The following CFAP221 variants were observed in gnomAD, a reference collection of about 807,000 sequenced individuals.
CFAP221 encodes cilia- and flagella-associated protein 221.
A neutral mutation model predicts 113.1 loss-of-function variants in CFAP221; 97 were observed. That is an observed-to-expected ratio of 0.86 (90% CI 0.73 to 1.02). The LOEUF (loss-of-function observed/expected upper bound fraction) is 1.02. CFAP221 is among the 50% of genes least tolerant of loss of function. The pLI is 0.00. For synonymous variants in CFAP221, 331 were observed against 354.4 expected (o/e 0.93, Z 0.74); for missense variants, 1,025 against 1,013.4 (o/e 1.01, Z -0.16).
intron 3 of CFAP221, chr2:119,556,298 T>G (rs1357535233): frequency 6.6e-6 from 1 of 152,102 alleles, no homozygotes; most frequent in Non-Finnish European, 1.5e-5. Flanking sequence ...TCCATTTCAC[T>G]TCAGATCTTA....
At chr2:119,616,209 T>C (rs1685516197) in intron 14 of CFAP221, among the ~76,000 whole-genome samples, 1 of 152,368 alleles carries the variant, frequency 6.6e-6, no homozygotes, top group Non-Finnish European at 1.5e-5. Context: ...ATTCAATACA[T>C]GGCTTTTGGT....
At chr2:119,613,390 A>C (rs937991205) in intron 13 of CFAP221, among the ~76,000 whole-genome samples, 11 of 152,204 alleles carry the variant, frequency 7.2e-5, no homozygotes, top group Non-Finnish European at 8.8e-5. Context: ...GCTCTAGCAG[A>C]GGTTCTACAT....
intron 8 of CFAP221, 59 bp from the exon 9 acceptor site, chr2:119,604,613 C>T (rs1383695636): frequency 1.1e-5 from 16 of 1,436,488 alleles, no homozygotes; most frequent in Non-Finnish European, 1.3e-5. Flanking sequence ...GAACATAAAA[C>T]ATTAGGAACC....
chr2:119,615,779 G>T lies in CFAP221; in HGVS notation c.1410+70G>T, dbSNP rs1685481894. On this transcript the variant is annotated intron_variant, in intron 14 of 23. Transcript: ENST00000413369. ...AGCATAAGGAAATCAAGCAATGGTG[G>T]TTTGATAACACCTTTATTGAGATAC... 6.1e-6 allele frequency: 7 copies of T among 1,141,102 alleles called. No individual in the cohort carries two copies. In the South Asian group the frequency reaches 8.4e-5, roughly 14 times the overall value. The allele number at this position is 1,141,102 out of a possible 1,614,324, so 70.7% of individuals were successfully genotyped here.
intron 6 of CFAP221, among the ~76,000 whole-genome samples, chr2:119,582,370 G>T (rs1402687516): frequency 6.6e-6 from 1 of 152,078 alleles, no homozygotes; most frequent in Non-Finnish European, 1.5e-5. Context: ...TCAATAGGCA[G>T]GTAGGGCTGA....
In CFAP221 at chr2:119,593,864, C is replaced by T. The variant is rs6736772; in HGVS notation, c.631+6642C>T. On this transcript the variant is annotated intron_variant, in intron 7 of 23. Transcript: ENST00000413369. Reference sequence around the variant, plus strand: ...AAAAAAAAACAAAACGAAACAACAACAACAAAAAAAACCCCACCAGCTCTC... The same window carrying T: ...AAAAAAAAACAAAACGAAACAACAATAACAAAAAAAACCCCACCAGCTCTC... Among the ~76,000 whole-genome samples the T allele has an allele frequency of 8.9e-4, 135 of 151,682 alleles. 2 individuals carry two copies. Among genetic ancestry groups the T allele is most frequent in the African/African-American group, 3.1e-3 (127 of 41,378 alleles).
At chr2:119,628,404 T>C (rs1686529119) in intron 16 of CFAP221, among the ~76,000 whole-genome samples, 1 of 151,816 alleles carries the variant, frequency 6.6e-6, no homozygotes, top group Admixed American at 6.6e-5. Context: ...AATGGTGCAT[T>C]ATTGAAAAAG....
At chr2:119,594,981 C>T (rs1264231192) in intron 7 of CFAP221, among the ~76,000 whole-genome samples, 5 of 152,230 alleles carry the variant, frequency 3.3e-5, no homozygotes, top group African/African-American at 9.6e-5. Flanking sequence ...TCTCCCATCT[C>T]TGCTCAGTGG....
chr2:119,615,441 C>T (rs2293129), intron 13 of CFAP221, among the ~76,000 whole-genome samples, 170 bp from the exon 14 acceptor site: 5,931 of 152,254 alleles, frequency 0.039, 267 homozygotes, highest in African/African-American at 0.11. Flanking sequence ...AAGAAGTGTT[C>T]CTTATAATGC....
In CFAP221 at chr2:119,562,064, A is replaced by C; in HGVS notation, c.477A>C (p.Ser159=). The change falls in exon 6 of 24, where the codon TCA becomes TCC. Residue 159 remains serine (S), a synonymous_variant. Transcript: ENST00000413369. ...VPIHAYPVMN[S]LDFPSFINLS... ...TTCATGCCTATCCAGTCATGAACTC[A>C]CTAGACTTTCCTTCATTTATAAATC... 2.0e-6 allele frequency: 3 copies of C among 1,535,412 alleles called. No homozygotes were observed. The highest frequency in any genetic ancestry group is 2.6e-6 in the Non-Finnish European group (3 of 1,146,618).
intron 8 of CFAP221, chr2:119,602,733 C>T: frequency 1.0e-6 from 1 of 985,436 alleles, no homozygotes. Flanking sequence ...AATTTTAAAA[C>T]TGCTGATTTT....
At chr2:119,590,121 G>GTAAATTA (rs1453786687) in intron 7 of CFAP221, 1 of 152,132 alleles carries the variant, frequency 6.6e-6, no homozygotes, top group Non-Finnish European at 1.5e-5. Flanking sequence ...CATATAAATG[G>GTAAATTA]TAAATTATAG....
At chr2:119,611,049 G>A (rs1257564988) in intron 12 of CFAP221, among the ~76,000 whole-genome samples, 1 of 152,082 alleles carries the variant, frequency 6.6e-6, no homozygotes, top group Non-Finnish European at 1.5e-5. Flanking sequence ...CCGGGGAACC[G>A]CAGGTTGCTT....
intron 23 of CFAP221, 42 bp from the exon 24 acceptor site, chr2:119,656,320 T>G: frequency 6.5e-7 from 1 of 1,549,542 alleles, no homozygotes; most frequent in East Asian, 2.2e-5. Flanking sequence ...GTGGTTTTAT[T>G]AAGTGTCCTC....
Position 119,611,756 on chromosome 2 carries a change from C to A in CFAP221, c.1311+14C>A. On this transcript the variant is annotated intron_variant, in intron 13 of 23. Coordinates refer to ENST00000413369, the MANE Select transcript of CFAP221 (RefSeq NM_001271049.2). ...AATCAAGAAGAGGTGGGTAACTTTC[C>A]TTTATTTAGAATCTGATTATTGGCA... The A allele has an allele frequency of 6.3e-7, 1 of 1,590,102 alleles. No individual in the cohort carries two copies. The highest frequency in any genetic ancestry group is 8.6e-7 in the Non-Finnish European group (1 of 1,161,030).
At chr2:119,593,754 C>T (rs755827130) in intron 7 of CFAP221, among the ~76,000 whole-genome samples, 2 of 151,990 alleles carry the variant, frequency 1.3e-5, no homozygotes, top group African/African-American at 2.4e-5. Context: ...AGGAGAATGG[C>T]GTGAACCTGG....
chr2:119,593,707 C>T (rs1028759599), intron 7 of CFAP221, among the ~76,000 whole-genome samples: 2 of 152,058 alleles, frequency 1.3e-5, no homozygotes, highest in Non-Finnish European at 2.9e-5. Context: ...GGCGTAGTGA[C>T]GGGCGCCTAT....
In CFAP221 at chr2:119,594,731, A is replaced by C. The variant is rs985321665; in HGVS notation, c.632-6487A>C. Reference sequence around the variant, plus strand: ...GAAGGGATAATAATTTGAATAGCTAATGCTTACATCGTGCTTACCATGTGC... The same window carrying C: ...GAAGGGATAATAATTTGAATAGCTACTGCTTACATCGTGCTTACCATGTGC... On this transcript the variant is annotated intron_variant, in intron 7 of 23. Coordinates refer to ENST00000413369, the MANE Select transcript of CFAP221 (RefSeq NM_001271049.2). Among the ~76,000 whole-genome samples, 8 of 152,224 alleles carry C rather than the reference A, an allele frequency of 5.3e-5. No individual in the cohort carries two copies. In the East Asian group the frequency reaches 1.5e-3, roughly 29 times the overall value.
intron 19 of CFAP221, among the ~76,000 whole-genome samples, chr2:119,637,954 A>T (rs1277751580): frequency 6.6e-6 from 1 of 152,192 alleles, no homozygotes; most frequent in Non-Finnish European, 1.5e-5. Flanking sequence ...AGCAACAAAT[A>T]CTCAAAGCTG....
Sources: allele counts gnomAD v4.1 joint callset (sites outside exome capture counted in the v4.1 genomes callset), GRCh38; gene constraint gnomAD v4.1.1; transcripts MANE v1.5; gene names NCBI Gene and HGNC (gene_info 2026-07-23, HGNC 2026-07-21).